The following EXOC5 variants were observed in gnomAD, a reference collection of about 807,000 sequenced individuals.
EXOC5 encodes exocyst complex component 5, also known as SEC10-like 1.
Under a neutral mutation model 90.8 loss-of-function variants are expected in EXOC5, and 17 were observed. The observed-to-expected ratio is 0.19, with a 90% CI of 0.13 to 0.28. The LOEUF is 0.28. Among genes scored for constraint, EXOC5 ranks in the 10% least tolerant of loss-of-function variants. The pLI is 1.00. For missense variants in EXOC5, 569 were observed against 830.6 expected (o/e 0.69, Z 3.87); for synonymous variants, 260 against 270.0 (o/e 0.96, Z 0.36).
In EXOC5 at chr14:57,252,641, T is replaced by C. The variant is rs1253953447; in HGVS notation, c.28-4929A>G. Among the ~76,000 whole-genome samples the C allele has an allele frequency of 2.6e-5, 4 of 152,276 alleles. No individual in the cohort carries two copies. In the Middle Eastern group the frequency reaches 0.01, roughly 388 times the overall value. On this transcript the variant is annotated intron_variant, in intron 1 of 17. Transcript: ENST00000621441. ...TATCAAAAAGACAAAAGATAAGTGT[T>C]GGTGAAAATGTGGAGAAAAAGGGAA...
chr14:57,222,004 T>C (rs1883154339), intron 13 of EXOC5, among the ~76,000 whole-genome samples: 1 of 152,164 alleles, frequency 6.6e-6, no homozygotes, highest in Non-Finnish European at 1.5e-5. Flanking sequence ...CCAATCAGAA[T>C]TGTTTTCGCC....
intron 1 of EXOC5, among the ~76,000 whole-genome samples, chr14:57,251,051 G>A (rs1884173906): frequency 6.6e-6 from 1 of 152,194 alleles, no homozygotes; most frequent in Non-Finnish European, 1.5e-5. Context: ...CTCCATCTAG[G>A]TAACAACTGC....
At chr14:57,251,681 C>T (rs1431260962) in intron 1 of EXOC5, among the ~76,000 whole-genome samples, 1 of 151,104 alleles carries the variant, frequency 6.6e-6, no homozygotes, top group African/African-American at 2.4e-5. Flanking sequence ...CCAAAGCTAA[C>T]AGAAGGAAGG....
Position 57,219,431 on chromosome 14 carries a change from A to C in EXOC5, c.1417T>G (p.Ser473Ala), listed in dbSNP as rs1235401945. 2.5e-6 allele frequency: 4 copies of C among 1,573,392 alleles called. No individual in the cohort carries two copies. The Middle Eastern group carries it at 5.0e-4, about 198-fold the overall frequency. Reference sequence around the variant, plus strand: ...TAAAGATTTGCATTCCTAGAATCTGAAGAGGGAATTCCTAAAACCAGAAAG... The same window carrying C: ...TAAAGATTTGCATTCCTAGAATCTGCAGAGGGAATTCCTAAAACCAGAAAG... ...LETGLAGIPSSDSRNANLYFL... is the reference protein window; with the variant it reads ...LETGLAGIPSADSRNANLYFL... The change falls in exon 14 of 18, where the codon TCA (serine) becomes GCA (alanine). Residue 473 changes from serine to alanine, a missense_variant. By Grantham distance (99) the Ser-to-Ala change is moderately conservative. Around this residue, in one of 9 missense-constraint regions of EXOC5, gnomAD observed 56 missense variants for 51.1 expected, o/e 1.10. Transcript: ENST00000621441.
In EXOC5 at chr14:57,237,289, G is replaced by A. The variant is rs549667064; in HGVS notation, c.559+49C>T. On this transcript the variant is annotated intron_variant, in intron 6 of 17. Transcript: ENST00000621441. ...CTTTTGCTGTTTTATTTTTACACAA[G>A]TAGTTTTTTTACTTATTAAAAAAAA... The A allele has an allele frequency of 6.3e-6, 6 of 949,478 alleles. No homozygotes were observed. The East Asian group carries it at 8.0e-5, about 13-fold the overall frequency. The allele number at this position is 949,478 out of a possible 1,614,324, so 58.8% of individuals were successfully genotyped here.
In EXOC5 at chr14:57,235,692, T is replaced by G. The variant is rs1305873070; in HGVS notation, c.669+19A>C. The G allele has an allele frequency of 7.9e-7, 1 of 1,267,734 alleles. No homozygotes were observed. The highest frequency in any genetic ancestry group is 1.5e-5 in the African/African-American group (1 of 67,618). The allele number at this position is 1,267,734 out of a possible 1,614,324, so 78.5% of individuals were successfully genotyped here. A position where few individuals can be genotyped will look rare whatever the true frequency, so the allele number is the denominator to read the frequency against. ...TCCATAGCCTTGAACACTATTCATT[T>G]TTAATTCCTACTATTTACCTTAAAA... On this transcript the variant is annotated intron_variant, in intron 7 of 17. Transcript: ENST00000621441.
At chr14:57,266,208 C>T (rs926701918) in intron 1 of EXOC5, among the ~76,000 whole-genome samples, 1 of 152,204 alleles carries the variant, frequency 6.6e-6, no homozygotes, top group Non-Finnish European at 1.5e-5. Flanking sequence ...TCCTGCCTTC[C>T]GTTTTCCACA....
Position 57,214,332 on chromosome 14 carries a change from T to C in EXOC5, c.1613+3650A>G, listed in dbSNP as rs1882912215. On this transcript the variant is annotated intron_variant, in intron 15 of 17. Coordinates refer to ENST00000621441, the MANE Select transcript of EXOC5 (RefSeq NM_006544.4). ...GTGTGCTGTGCATCTGTATTTTGAC[T>C]GTGCCCTGTCACATGAGGTCAGGTG... Among the ~76,000 whole-genome samples, 3 of 152,218 alleles carry C rather than the reference T, an allele frequency of 2.0e-5. No individual in the cohort carries two copies. The South Asian group carries it at 6.2e-4, about 31-fold the overall frequency.
At position 57,235,593 on chromosome 14, in the gene EXOC5, G is replaced by A. The variant is rs558445308; in HGVS notation, c.669+118C>T. On this transcript the variant is annotated intron_variant, in intron 7 of 17. Transcript: ENST00000621441. ...AAATGTACAAATTACTCAAAACAGT[G>A]AAAATTATCACTGTGATAGTTACAT... is the stretch of plus-strand genomic sequence containing the variant. 1.6e-4 allele frequency: 92 copies of A among 559,358 alleles called. 2 individuals are homozygous for A. In the South Asian group the frequency reaches 2.5e-3, roughly 15 times the overall value. 34.6% of individuals were successfully genotyped at this position (559,358 alleles called of 1,614,324 possible).
At chr14:57,229,523 A>G (rs1883412469) in intron 12 of EXOC5, among the ~76,000 whole-genome samples, 1 of 152,170 alleles carries the variant, frequency 6.6e-6, no homozygotes, top group African/African-American at 2.4e-5. Flanking sequence ...TGCACTAGGT[A>G]ATGTAATAAT....
intron 12 of EXOC5, among the ~76,000 whole-genome samples, chr14:57,225,921 T>C (rs377709743): frequency 6.6e-6 from 1 of 152,204 alleles, no homozygotes; most frequent in South Asian, 2.1e-4. Flanking sequence ...ACAGTCGTAT[T>C]CTTTTGAGTC....
chr14:57,257,529 A>G (rs776376697), intron 1 of EXOC5, among the ~76,000 whole-genome samples: 2 of 152,172 alleles, frequency 1.3e-5, no homozygotes, highest in Non-Finnish European at 2.9e-5. Context: ...AAAAGAAAGC[A>G]AGAGGCACCA....
chr14:57,248,612 T>C (rs908366048), intron 1 of EXOC5, among the ~76,000 whole-genome samples: 3 of 152,088 alleles, frequency 2.0e-5, no homozygotes, highest in South Asian at 2.1e-4. Flanking sequence ...ATACATTTTT[T>C]AGACTAATAC....
intron 12 of EXOC5, among the ~76,000 whole-genome samples, chr14:57,225,964 C>T (rs1883295374): frequency 6.6e-6 from 1 of 152,132 alleles, no homozygotes; most frequent in Non-Finnish European, 1.5e-5. Flanking sequence ...ATACAATTTG[C>T]ATGTCAGAGG....
rs1221740575 is a variant in EXOC5 at position 57,237,261 on chromosome 14, CT to C, written c.559+76del. On this transcript the variant is annotated intron_variant, in intron 6 of 17. Coordinates refer to ENST00000621441, the MANE Select transcript of EXOC5 (RefSeq NM_006544.4). Reference sequence around the variant, plus strand: ...GAAGATGACATTGTTCCTGCTTTTTCTCCTTTTGCTGTTTTATTTTTACACA... The same window carrying C: ...GAAGATGACATTGTTCCTGCTTTTTCCCTTTTGCTGTTTTATTTTTACACA... The C allele has an allele frequency of 3.8e-6, 3 of 788,794 alleles. No homozygotes were observed. In the African/African-American group the frequency reaches 5.2e-5, roughly 14 times the overall value. 48.9% of individuals were successfully genotyped at this position (788,794 alleles called of 1,614,324 possible).
chr14:57,212,940 A>G (rs1032225889), intron 15 of EXOC5, among the ~76,000 whole-genome samples: 3 of 152,268 alleles, frequency 2.0e-5, no homozygotes, highest in East Asian at 1.9e-4. Flanking sequence ...CAGTGTTTTT[A>G]TATTTTTCAT....
chr14:57,267,855 T>C (rs1884728427), intron 1 of EXOC5, among the ~76,000 whole-genome samples: 1 of 152,204 alleles, frequency 6.6e-6, no homozygotes, highest in Non-Finnish European at 1.5e-5. Flanking sequence ...GATTTTATAA[T>C]ACATGTAAAT....
At chr14:57,218,801 T>G (rs907207263) in intron 14 of EXOC5, among the ~76,000 whole-genome samples, 1 of 152,092 alleles carries the variant, frequency 6.6e-6, no homozygotes, top group African/African-American at 2.4e-5. Flanking sequence ...CAGATAATTC[T>G]GTAAAGCATG....
intron 1 of EXOC5, among the ~76,000 whole-genome samples, chr14:57,252,825 T>C (rs1342588237): frequency 2.0e-5 from 3 of 152,102 alleles, no homozygotes; most frequent in African/African-American, 4.8e-5. Context: ...GTCAGAGATA[T>C]CTGCACCACC....
Sources: allele counts gnomAD v4.1 joint callset (sites outside exome capture counted in the v4.1 genomes callset), GRCh38; gene constraint gnomAD v4.1.1; regional missense constraint gnomAD v4.1.1; transcripts MANE v1.5; gene names NCBI Gene and HGNC (gene_info 2026-07-23, HGNC 2026-07-21).